Variants in TUNAR observed in about 807,000 individuals in gnomAD.
The protein encoded by TUNAR is transmembrane neural differentiation associated intracellular calcium regulator, also known as protein TUNAR.
intron 2 of TUNAR, among the ~76,000 whole-genome samples, chr14:95,916,968 A>C (rs1486725383): frequency 6.6e-6 from 1 of 151,900 alleles, no homozygotes; most frequent in Non-Finnish European, 1.5e-5. Flanking sequence ...TCATTTTCCT[A>C]CTCATTTGAG....
intron 2 of TUNAR, among the ~76,000 whole-genome samples, chr14:95,908,867 A>G (rs570209705): frequency 1.3e-5 from 2 of 151,932 alleles, no homozygotes; most frequent in South Asian, 2.1e-4. Flanking sequence ...TCCTTCCCCT[A>G]CTCCCTGTTA....
intron 2 of TUNAR, among the ~76,000 whole-genome samples, chr14:95,880,245 G>A (rs4905401): frequency 0.19 from 29,212 of 152,152 alleles, 3,023 homozygotes; most frequent in South Asian, 0.24. Flanking sequence ...CCTCCAGAAT[G>A]CTCTGTACTT....
intron 2 of TUNAR, among the ~76,000 whole-genome samples, chr14:95,892,793 G>A (rs1229761080): frequency 1.3e-5 from 2 of 152,186 alleles, no homozygotes; most frequent in African/African-American, 4.8e-5. Context: ...ATGAGATGAT[G>A]CATTTTAAAA....
At chr14:95,907,519 T>C (rs1889445507) in intron 2 of TUNAR, among the ~76,000 whole-genome samples, 1 of 152,198 alleles carries the variant, frequency 6.6e-6, no homozygotes, top group African/African-American at 2.4e-5. Context: ...CAGAAATCTC[T>C]GTGGCCAGTG....
chr14:95,902,664 C>A (rs988962969), intron 2 of TUNAR, among the ~76,000 whole-genome samples: 3 of 152,122 alleles, frequency 2.0e-5, no homozygotes, highest in Non-Finnish European at 4.4e-5. Flanking sequence ...GCTGGGTAAT[C>A]ATGGGGATGG....
intron 2 of TUNAR, among the ~76,000 whole-genome samples, chr14:95,885,456 G>T (rs1029676069): frequency 6.6e-6 from 1 of 152,164 alleles, no homozygotes; most frequent in Non-Finnish European, 1.5e-5. Flanking sequence ...GGGTTTGGCC[G>T]GGGGAGGGTG....
chr14:95,925,532 G>C (rs12880092), exon 3 of TUNAR: 114,068 of 152,094 alleles, frequency 0.75, 42,878 homozygotes, highest in East Asian at 0.77. Context: ...ATTCTGAACA[G>C]TGAACAGAAT....
At position 95,916,169 on chromosome 14, in the gene TUNAR, T is replaced by C. The variant is rs1889602310; in HGVS notation, c.13-6612T>C. Among the ~76,000 whole-genome samples the C allele has an allele frequency of 2.0e-5, 3 of 152,260 alleles. No homozygotes were observed. In the South Asian group the frequency reaches 6.2e-4, roughly 31 times the overall value. On this transcript the variant is annotated intron_variant, in intron 2 of 2. Transcript: ENST00000678517. ...TAAGTATAAAGAGCAAGCGCTCATG[T>C]ACCCACCACCAGCTTGAGAAATATT...
At chr14:95,912,429 G>A (rs1889528549) in intron 2 of TUNAR, among the ~76,000 whole-genome samples, 1 of 152,180 alleles carries the variant, frequency 6.6e-6, no homozygotes, top group Middle Eastern at 3.4e-3. Context: ...CTAAATAGAT[G>A]CAGAAAAATG....
intron 2 of TUNAR, among the ~76,000 whole-genome samples, chr14:95,885,257 G>T (rs961705848): frequency 4.6e-5 from 7 of 152,218 alleles, no homozygotes; most frequent in Non-Finnish European, 1.0e-4. Context: ...TCTTCTTTGG[G>T]ATGCTTTCTC....
chr14:95,908,250 AG>A (rs923522981), intron 2 of TUNAR, among the ~76,000 whole-genome samples: 14 of 152,228 alleles, frequency 9.2e-5, no homozygotes, highest in African/African-American at 3.1e-4. Flanking sequence ...CGAAGCTATG[AG>A]GGCAGGGATG....
At chr14:95,903,982 C>T (rs1889393753) in intron 2 of TUNAR, among the ~76,000 whole-genome samples, 2 of 152,216 alleles carry the variant, frequency 1.3e-5, no homozygotes, top group African/African-American at 4.8e-5. Flanking sequence ...AGCTGCTGGG[C>T]TGTAAGGCTG....
chr14:95,891,632 G>A (rs1016803550), intron 2 of TUNAR, among the ~76,000 whole-genome samples: 2 of 152,210 alleles, frequency 1.3e-5, no homozygotes, highest in African/African-American at 4.8e-5. Flanking sequence ...CTATACACTC[G>A]CTACACATGC....
At chr14:95,909,450 A>AT (rs1173970342) in intron 2 of TUNAR, among the ~76,000 whole-genome samples, 1 of 151,710 alleles carries the variant, frequency 6.6e-6, no homozygotes, top group Non-Finnish European at 1.5e-5. Context: ...TGCCTGGCTA[A>AT]TTTTTTGTAT....
chr14:95,920,872 G>A (rs1889687895), intron 2 of TUNAR, among the ~76,000 whole-genome samples: 2 of 152,298 alleles, frequency 1.3e-5, no homozygotes, highest in South Asian at 4.1e-4. Context: ...TATATAAAGA[G>A]ATTTATTATA....
intron 2 of TUNAR, among the ~76,000 whole-genome samples, chr14:95,901,623 T>G (rs1889355110): frequency 6.6e-6 from 1 of 152,224 alleles, no homozygotes; most frequent in Admixed American, 6.5e-5. Flanking sequence ...GAACCACAAC[T>G]TCCTTTTCTG....
intron 2 of TUNAR, among the ~76,000 whole-genome samples, chr14:95,887,578 GT>G (rs1889099026): frequency 6.6e-6 from 1 of 152,200 alleles, no homozygotes; most frequent in African/African-American, 2.4e-5. Flanking sequence ...TAAAGGAATT[GT>G]TTGCAAACTT....
chr14:95,901,152 G>A (rs1282102617), intron 2 of TUNAR, among the ~76,000 whole-genome samples: 3 of 152,262 alleles, frequency 2.0e-5, no homozygotes, highest in Non-Finnish European at 4.4e-5. Context: ...AAGCAAGCAA[G>A]TGCTGTTGTC....
chr14:95,918,550 A>C (rs1245143459), intron 2 of TUNAR, among the ~76,000 whole-genome samples: 2 of 152,202 alleles, frequency 1.3e-5, no homozygotes, highest in Admixed American at 1.3e-4. Context: ...GAAGTTTCCA[A>C]GTTGATGACT....
Sources: allele counts gnomAD v4.1 joint callset (sites outside exome capture counted in the v4.1 genomes callset), GRCh38; gene constraint gnomAD v4.1.1; transcripts MANE v1.5; gene names NCBI Gene and HGNC (gene_info 2026-07-23, HGNC 2026-07-21).